Variants in SH3BGR observed in about 807,000 individuals in gnomAD.
SH3BGR encodes SH3 domain-binding glutamic acid-rich protein.
SH3BGR carries 29 observed loss-of-function variants against 24.5 expected under a neutral mutation model. That is an observed-to-expected ratio of 1.18 (90% confidence interval 0.88 to 1.61). The LOEUF (loss-of-function observed/expected upper bound fraction) is 1.61, where lower values mean the gene tolerates loss of function less well. SH3BGR is among the 40% of genes most tolerant of loss of function. The pLI is 0.00. For missense variants in SH3BGR, 162 were observed against 205.8 expected (o/e 0.79, Z 1.30); for synonymous variants, 55 against 65.7 (o/e 0.84, Z 0.79).
intron 2 of SH3BGR, among the ~76,000 whole-genome samples, chr21:39,471,114 T>G (rs1052614166): frequency 6.6e-6 from 1 of 152,180 alleles, no homozygotes; most frequent in African/African-American, 2.4e-5. Context: ...CCATTCTGTC[T>G]CCTTTTCTTC....
In SH3BGR at chr21:39,475,183, T is replaced by G. The variant is rs1436883364; in HGVS notation, c.280T>G (p.Phe94Val). 6.2e-7 allele frequency: 1 copy of G among 1,612,386 alleles called. No individual in the cohort carries two copies. The highest frequency in any genetic ancestry group is 1.7e-5 in the Admixed American group (1 of 60,008). Residue 94 changes from phenylalanine (F) to valine (V), a missense_variant, in exon 3 of 7, where the codon TTC (phenylalanine) becomes GTC (valine). Transcript: ENST00000333634. Reference sequence around the variant, plus strand: ...AAAAGAAGAGAATATTATTTATTCCTTCCTTGGTTTGGCTCCTCCTCCAGA... The same window carrying G: ...AAAAGAAGAGAATATTATTTATTCCGTCCTTGGTTTGGCTCCTCCTCCAGA... ...SAKEENIIYS[F>V]LGLAPPPDSK...
intron 3 of SH3BGR, among the ~76,000 whole-genome samples, chr21:39,498,234 A>ACCGT (rs147409536): frequency 0.024 from 3,599 of 152,278 alleles, 144 homozygotes; most frequent in African/African-American, 0.083. Context: ...ATGCAGAGGT[A>ACCGT]CCGTATCACA....
chr21:39,496,981 G>T (rs896408262), intron 3 of SH3BGR, among the ~76,000 whole-genome samples: 5 of 151,722 alleles, frequency 3.3e-5, no homozygotes, highest in Admixed American at 6.6e-5. Flanking sequence ...AAATGTATTT[G>T]GAATAATAAT....
chr21:39,467,144 T>G (rs2077856831), intron 2 of SH3BGR, among the ~76,000 whole-genome samples: 1 of 152,188 alleles, frequency 6.6e-6, no homozygotes, highest in Admixed American at 6.5e-5. Context: ...GACACAAGAT[T>G]AATGTAGGTG....
chr21:39,499,838 G>A lies in SH3BGR; in HGVS notation c.328G>A (p.Glu110Lys). The change falls in exon 4 of 7, where the codon GAA becomes AAA. Residue 110 changes from glutamate (E) to lysine (K), a missense_variant. Glu to Lys is a moderately conservative substitution (Grantham distance 56, BLOSUM62 1). Transcript: ENST00000333634. ...TTATGACCAGGGATCAGAGAAGGCT[G>A]AAGAAGGTGGAGAAACTGAGGCACA... is the stretch of plus-strand genomic sequence containing the variant. Reference protein sequence around the residue: ...PPDSKGSEKAEEGGETEAQKE... With the variant: ...PPDSKGSEKAKEGGETEAQKE... 1 of 1,613,618 alleles carries A rather than the reference G, an allele frequency of 6.2e-7. No individual in the cohort carries two copies. The highest frequency in any genetic ancestry group is 8.5e-7 in the Non-Finnish European group (1 of 1,179,714).
chr21:39,507,214 A>G (rs1009023504), intron 4 of SH3BGR, among the ~76,000 whole-genome samples: 1 of 152,194 alleles, frequency 6.6e-6, no homozygotes, highest in Non-Finnish European at 1.5e-5. Flanking sequence ...TCAGGCTTTC[A>G]AGTTCAGTGC....
At chr21:39,459,455 C>T (rs2077719048) in intron 1 of SH3BGR, among the ~76,000 whole-genome samples, 1 of 152,208 alleles carries the variant, frequency 6.6e-6, no homozygotes, top group Non-Finnish European at 1.5e-5. Context: ...GATCTCTTCA[C>T]TTTGTGATCC....
chr21:39,452,272 C>T, intron 1 of SH3BGR, 131 bp downstream of exon 1: 1 of 1,039,920 alleles, frequency 9.6e-7, no homozygotes, highest in Non-Finnish European at 1.5e-6. Context: ...AGTATGTGCG[C>T]CCTTTGCTTT....
At chr21:39,507,146 T>C (rs899095607) in intron 4 of SH3BGR, among the ~76,000 whole-genome samples, 19 of 152,168 alleles carry the variant, frequency 1.2e-4, no homozygotes, top group African/African-American at 4.6e-4. Context: ...AAGGTTAGTT[T>C]GAAGATTCCC....
At chr21:39,472,626 A>G (rs115398179) in intron 2 of SH3BGR, among the ~76,000 whole-genome samples, 3 of 152,142 alleles carry the variant, frequency 2.0e-5, no homozygotes, top group African/African-American at 4.8e-5. Context: ...TTGAACTGCA[A>G]CCTCTCATGA....
chr21:39,450,742 G>A (rs1171458816), upstream of SH3BGR, among the ~76,000 whole-genome samples: 1 of 152,128 alleles, frequency 6.6e-6, no homozygotes, highest in Non-Finnish European at 1.5e-5. Flanking sequence ...TGCATAACTG[G>A]CATTTGGGCT....
upstream of SH3BGR, among the ~76,000 whole-genome samples, chr21:39,448,322 A>G (rs889594013): frequency 5.9e-5 from 9 of 152,210 alleles, no homozygotes; most frequent in African/African-American, 2.2e-4. Context: ...ATCATTCTAC[A>G]TAATAAAGAC....
chr21:39,473,010 T>G (rs1331452546), intron 2 of SH3BGR, among the ~76,000 whole-genome samples: 2 of 152,188 alleles, frequency 1.3e-5, no homozygotes, highest in Admixed American at 1.3e-4. Flanking sequence ...AAATTTTTTT[T>G]TTTCTTAATT....
chr21:39,472,460 A>G (rs1413765165), intron 2 of SH3BGR, among the ~76,000 whole-genome samples: 1 of 152,092 alleles, frequency 6.6e-6, no homozygotes, highest in African/African-American at 2.4e-5. Flanking sequence ...TTCCAACACA[A>G]GCTTTTTGGC....
chr21:39,471,884 TG>T (rs2077947455), intron 2 of SH3BGR, among the ~76,000 whole-genome samples: 1 of 152,206 alleles, frequency 6.6e-6, no homozygotes, highest in Non-Finnish European at 1.5e-5. Flanking sequence ...GAGTTCTTTT[TG>T]GTTCCTTTCT....
At chr21:39,447,511 G>C (rs2077517596), upstream of SH3BGR, among the ~76,000 whole-genome samples, 1 of 151,016 alleles carries the variant, frequency 6.6e-6, no homozygotes, top group African/African-American at 2.4e-5. Context: ...CGCTTCCTGG[G>C]TTCAGGTGAT....
intron 3 of SH3BGR, among the ~76,000 whole-genome samples, chr21:39,475,651 G>A (rs908818904): frequency 1.3e-5 from 2 of 152,080 alleles, no homozygotes; most frequent in African/African-American, 4.8e-5. Flanking sequence ...CTACATTTTG[G>A]TCTCATAAAA....
intron 4 of SH3BGR, among the ~76,000 whole-genome samples, chr21:39,505,450 G>A (rs569517221): frequency 1.1e-3 from 167 of 152,248 alleles, no homozygotes; most frequent in African/African-American, 4.0e-3. Flanking sequence ...AGAAATTAAG[G>A]TCAATTCAGA....
At position 39,511,762 on chromosome 21, in the gene SH3BGR, A is replaced by T. The variant is rs2078700403; in HGVS notation, c.518A>T (p.Asp173Val). ...GCAGAAGGAGAAGAGCCTGGAGAAG[A>T]CGAAGATTCCTAGGCCTTTTCATGC... ...ETAEGEEPGE[D>V]EDS The change falls in exon 6 of 7, where the codon GAC becomes GTC. Residue 173 changes from aspartate (D) to valine (V), a missense_variant. By Grantham distance (152) the Asp-to-Val change is radical. Coordinates refer to ENST00000333634, the MANE Select transcript of SH3BGR (RefSeq NM_007341.3). The surrounding 1 kb of genome is among the most constrained non-coding windows in gnomAD (Gnocchi z 4.2). 1 of 1,613,068 alleles carries T rather than the reference A, an allele frequency of 6.2e-7. No individual in the cohort carries two copies. The highest frequency in any genetic ancestry group is 8.5e-7 in the Non-Finnish European group (1 of 1,179,654).
Sources: gnomAD v4.1 joint callset for allele counts (sites outside exome capture counted in the v4.1 genomes callset) on GRCh38, gnomAD v4.1.1 for gene constraint, Gnocchi (gnomAD v3.1) non-coding constraint, MANE v1.5 for transcripts, NCBI Gene and HGNC (gene_info 2026-07-23, HGNC 2026-07-21) for gene names.